SEPTIN2: variants seen among roughly 807,000 people sequenced by gnomAD.
The protein encoded by SEPTIN2 is septin-2.
Under a neutral mutation model 46.5 loss-of-function variants are expected in SEPTIN2, and 34 were observed. The ratio of observed to expected loss-of-function variants is 0.73; its 90% confidence interval spans 0.56 to 0.97. The LOEUF (loss-of-function observed/expected upper bound fraction) is 0.97. Among genes scored for constraint, SEPTIN2 ranks in the 50% least tolerant of loss-of-function variants. The pLI, the probability that SEPTIN2 is intolerant of heterozygous loss-of-function variation, is 0.00. For synonymous variants in SEPTIN2, 175 were observed against 153.4 expected (o/e 1.14, Z -1.04); for missense variants, 347 against 448.4 (o/e 0.77, Z 2.04).
chr2:241,323,205 C>G (rs1407788251), intron 1 of SEPTIN2, among the ~76,000 whole-genome samples: 2 of 150,770 alleles, frequency 1.3e-5, no homozygotes, highest in African/African-American at 4.9e-5. Flanking sequence ...GAGTCTCACT[C>G]TGTTGCCCAG....
intron 9 of SEPTIN2, among the ~76,000 whole-genome samples, 167 bp from the exon 10 acceptor site, chr2:241,345,999 A>G (rs1394308733): frequency 5.3e-5 from 8 of 152,196 alleles, no homozygotes; most frequent in African/African-American, 1.4e-4. Flanking sequence ...CTCACTAGAC[A>G]TTTCCACGGC....
intron 3 of SEPTIN2, among the ~76,000 whole-genome samples, chr2:241,333,338 G>T (rs2079331013): frequency 6.6e-6 from 1 of 152,082 alleles, no homozygotes; most frequent in African/African-American, 2.4e-5. Flanking sequence ...AGGTAAAGGG[G>T]CATTGCACCA....
At chr2:241,324,286 TTA>T in intron 2 of SEPTIN2, 45 bp downstream of exon 2, 2 of 1,549,724 alleles carry the variant, frequency 1.3e-6, no homozygotes, top group South Asian at 1.2e-5. Context: ...AGAAATTGCT[TTA>T]TGTTTTCAGA....
In SEPTIN2 at chr2:241,335,234, T is replaced by G. The variant is rs200105609; in HGVS notation, c.217+22T>G. 1 of 1,607,674 alleles carries G rather than the reference T, an allele frequency of 6.2e-7. No homozygotes were observed. Among genetic ancestry groups the G allele is most frequent in the East Asian group, 2.2e-5 (1 of 44,870 alleles). ...GCAGGTAAAAACATTCTTATGTTAC[T>G]GTAAGTGTAATTCTACATGAAAGAT... On this transcript the variant is annotated intron_variant, in intron 4 of 12. Coordinates refer to ENST00000391971, the MANE Select transcript of SEPTIN2 (RefSeq NM_004404.5).
At chr2:241,334,229 A>G (rs904339175) in intron 3 of SEPTIN2, among the ~76,000 whole-genome samples, 3 of 152,102 alleles carry the variant, frequency 2.0e-5, no homozygotes, top group Non-Finnish European at 4.4e-5. Context: ...GCAGAACTTA[A>G]CAGAGGGTGG....
chr2:241,335,830 A>T lies in SEPTIN2; in HGVS notation c.218-145A>T, dbSNP rs773314471. Reference sequence around the variant, plus strand: ...CCTTCCCCTTTCTGACTTCTCTGGGATCTTTTTTTCTTAATCCCCATGGTA... The same window carrying T: ...CCTTCCCCTTTCTGACTTCTCTGGGTTCTTTTTTTCTTAATCCCCATGGTA... On this transcript the variant is annotated intron_variant, in intron 4 of 12. Coordinates refer to ENST00000391971, the MANE Select transcript of SEPTIN2 (RefSeq NM_004404.5). The T allele has an allele frequency of 1.2e-5, 12 of 986,866 alleles. No homozygotes were observed. The African/African-American group carries it at 1.5e-4, about 12-fold the overall frequency. The allele number at this position is 986,866 out of a possible 1,614,324, so 61.1% of individuals were successfully genotyped here.
At chr2:241,325,115 C>T (rs1281469744) in intron 2 of SEPTIN2, 2 of 151,960 alleles carry the variant, frequency 1.3e-5, no homozygotes, top group South Asian at 2.1e-4. Context: ...GGAATAACCA[C>T]TGTTAATATG....
At chr2:241,351,931 C>T (rs1422720000) in intron 12 of SEPTIN2, 36 bp from the exon 13 acceptor site, 1 of 152,608 alleles carries the variant, frequency 6.6e-6, no homozygotes, top group Non-Finnish European at 1.5e-5. Flanking sequence ...CATTGCCTCA[C>T]TCCCACTTAA....
chr2:241,332,128 T>G (rs112905458), intron 3 of SEPTIN2, among the ~76,000 whole-genome samples: 60 of 151,842 alleles, frequency 4.0e-4, no homozygotes, highest in African/African-American at 1.4e-3. Flanking sequence ...CAAAAAAATT[T>G]TTATGACTTT....
At chr2:241,351,409 G>A (rs1168319879) in intron 12 of SEPTIN2, 3 of 152,224 alleles carry the variant, frequency 2.0e-5, no homozygotes, top group Admixed American at 2.0e-4. Context: ...GTCCAAGTTG[G>A]TTGCTTTAGT....
intron 1 of SEPTIN2, among the ~76,000 whole-genome samples, chr2:241,322,731 C>T (rs1361552367): frequency 6.6e-6 from 1 of 152,172 alleles, no homozygotes; most frequent in Non-Finnish European, 1.5e-5. Context: ...ACATTGCTCT[C>T]TGTACCCCAG....
chr2:241,349,188 C>A (rs888407959), intron 11 of SEPTIN2, among the ~76,000 whole-genome samples: 1 of 151,696 alleles, frequency 6.6e-6, no homozygotes. Flanking sequence ...AGTGAGACCC[C>A]CCTCGTTCTC....
chr2:241,333,484 ATTTTGTATGTCTGCATGTTTCTTTTTG>A (rs1428154778), intron 3 of SEPTIN2, among the ~76,000 whole-genome samples: 5 of 152,070 alleles, frequency 3.3e-5, no homozygotes, highest in African/African-American at 1.2e-4. Context: ...TGCAGTCCTA[ATTTTGTATGTCTGCATGTTTCTTTTTG>A]TTTTGTTTTG....
At chr2:241,339,844 T>C (rs2081014078) in intron 7 of SEPTIN2, among the ~76,000 whole-genome samples, 1 of 152,202 alleles carries the variant, frequency 6.6e-6, no homozygotes, top group South Asian at 2.1e-4. Flanking sequence ...CCCCCCACAC[T>C]GCATAAAGTA....
At chr2:241,328,757 C>T (rs2078443293) in intron 3 of SEPTIN2, among the ~76,000 whole-genome samples, 3 of 147,402 alleles carry the variant, frequency 2.0e-5, no homozygotes. Context: ...CACGGTGGCT[C>T]ACGCCTGTAA....
chr2:241,317,301 AT>A (rs1033783565), intron 1 of SEPTIN2, among the ~76,000 whole-genome samples: 1 of 151,852 alleles, frequency 6.6e-6, no homozygotes, highest in East Asian at 1.9e-4. Flanking sequence ...GGTTGTCCTG[AT>A]TTTTTTTCCT....
chr2:241,348,931 A>G (rs1202478588), intron 11 of SEPTIN2, among the ~76,000 whole-genome samples: 1 of 152,242 alleles, frequency 6.6e-6, no homozygotes, highest in Non-Finnish European at 1.5e-5. Context: ...AATTAATTCA[A>G]TATTGATCAA....
chr2:241,347,622 G>T (rs942199574), intron 10 of SEPTIN2, among the ~76,000 whole-genome samples: 1 of 152,228 alleles, frequency 6.6e-6, no homozygotes, highest in Non-Finnish European at 1.5e-5. Context: ...AGCAAGTGTT[G>T]TCGCTCAAGC....
intron 9 of SEPTIN2, 46 bp from the exon 10 acceptor site, chr2:241,346,120 T>C (rs897540427): frequency 7.2e-7 from 1 of 1,393,460 alleles, no homozygotes; most frequent in East Asian, 2.3e-5. Flanking sequence ...CTCATGAGAA[T>C]GTCATGTGCA....
Sources: allele counts gnomAD v4.1 joint callset (sites outside exome capture counted in the v4.1 genomes callset), GRCh38; gene constraint gnomAD v4.1.1; transcripts MANE v1.5; gene names NCBI Gene and HGNC (gene_info 2026-07-23, HGNC 2026-07-21).